NBPF26: variants seen among roughly 807,000 people sequenced by gnomAD.
NBPF26 encodes NBPF family member NBPF26.
A neutral mutation model predicts 119.6 loss-of-function variants in NBPF26; 79 were observed. The ratio of observed to expected loss-of-function variants is 0.66; its 90% confidence interval spans 0.55 to 0.80. The LOEUF is 0.80. NBPF26 is among the 30% of genes least tolerant of loss of function. The pLI, the probability that NBPF26 is intolerant of heterozygous loss-of-function variation, is 0.00. For missense variants in NBPF26, 800 were observed against 1,198.2 expected (o/e 0.67, Z 4.91); for synonymous variants, 299 against 457.7 (o/e 0.65, Z 4.43).
Position 120,805,139 on chromosome 1 carries a change from C to A in NBPF26, c.752-417C>A, listed in dbSNP as rs1166112898. ...CTGTGGCATTGTCAACAAGGGTACA[C>A]GAATACTGAGAGTGAATGCTGAAGG... On this transcript the variant is annotated intron_variant, in intron 4 of 29. Transcript: ENST00000620612. Among the ~76,000 whole-genome samples, 2 of 124,870 alleles carry A rather than the reference C, an allele frequency of 1.6e-5. 1 individual carries two copies. The highest frequency in any genetic ancestry group is 4.8e-4 in the South Asian group (2 of 4,176). 81.9% of individuals were successfully genotyped at this position (124,870 alleles called of 152,430 possible).
At chr1:120,745,251 G>C (rs1650969025) in intron 1 of NBPF26, among the ~76,000 whole-genome samples, 2 of 107,270 alleles carry the variant, frequency 1.9e-5, no homozygotes, top group South Asian at 5.3e-4. Context: ...AATGGGTCAT[G>C]AAACCAATTT....
rs1283264153 is a variant in NBPF26 at position 120,810,348 on chromosome 1, G to T, written c.1354G>T (p.Glu452Ter). The T allele has an allele frequency of 6.3e-7, 1 of 1,590,026 alleles. No homozygotes were observed. The highest frequency in any genetic ancestry group is 8.5e-7 in the Non-Finnish European group (1 of 1,172,332). ...TCTCTGTCCCACCTGGCTCATCAGG[G>T]AGGTGCAGAAGACTGAAGAGAGCAA... The change falls in exon 9 of 30, where the codon GAG (glutamate) becomes TAG (stop). Residue 452 changes from glutamate (E) to a stop codon, truncating the protein, a stop_gained and splice_region_variant. Transcript: ENST00000620612. LOFTEE classifies it high-confidence loss of function.
chr1:120,838,406 T>C (rs1652444735), intron 27 of NBPF26, among the ~76,000 whole-genome samples: 1 of 12,956 alleles, frequency 7.7e-5, no homozygotes, highest in Non-Finnish European at 1.1e-4. Flanking sequence ...ATGATCCCTG[T>C]ATGCTGTGTG....
chr1:120,802,756 A>C (rs1354793873), intron 4 of NBPF26, among the ~76,000 whole-genome samples: 1 of 118,620 alleles, frequency 8.4e-6, no homozygotes, highest in Non-Finnish European at 1.6e-5. Flanking sequence ...GAAATTTAAC[A>C]GGTTCTTTCA....
intron 1 of NBPF26, among the ~76,000 whole-genome samples, chr1:120,750,669 TC>T (rs1651012563): frequency 9.3e-6 from 1 of 107,218 alleles, no homozygotes; most frequent in South Asian, 2.7e-4. Flanking sequence ...GAGAGTAAAG[TC>T]TTGTATTTTC....
intron 9 of NBPF26, 65 bp from the exon 10 acceptor site, chr1:120,811,821 C>G (rs2101509687): frequency 2.8e-6 from 2 of 706,928 alleles, no homozygotes; most frequent in East Asian, 5.0e-5. Context: ...TCCCTCAGTC[C>G]TGATTAAGCC....
intron 17 of NBPF26, among the ~76,000 whole-genome samples, 156 bp downstream of exon 17, chr1:120,823,516 T>G (rs1345702052): frequency 9.2e-6 from 1 of 109,058 alleles, no homozygotes; most frequent in Non-Finnish European, 1.8e-5. Flanking sequence ...TTAGAGTAAA[T>G]CTTTAGGTTT....
rs1244043995 is a variant in NBPF26, at chr1:120,806,953, A to G, written c.962-654A>G. On this transcript the variant is annotated intron_variant, in intron 5 of 29. Transcript: ENST00000620612. ...TAAACACTATCTATTCTTCATTCTGATGTTTCTAAATTAACACTAACTAAG... is the reference window on the plus strand; with the variant it reads ...TAAACACTATCTATTCTTCATTCTGGTGTTTCTAAATTAACACTAACTAAG... Among the ~76,000 whole-genome samples, 5 of 121,914 alleles carry G rather than the reference A, an allele frequency of 4.1e-5. 1 individual carries two copies. Among genetic ancestry groups the G allele is most frequent in the African/African-American group, 2.2e-4 (5 of 23,076 alleles). The allele number at this position is 121,914 out of a possible 152,430, so 80.0% of individuals were successfully genotyped here.
chr1:120,790,924 G>C (rs1306620077), intron 3 of NBPF26, among the ~76,000 whole-genome samples: 1 of 89,044 alleles, frequency 1.1e-5, no homozygotes, highest in Non-Finnish European at 2.0e-5. Flanking sequence ...TTTCAGTTGT[G>C]GGCATCACTC....
intron 5 of NBPF26, among the ~76,000 whole-genome samples, chr1:120,807,068 C>T: frequency 7.6e-6 from 1 of 130,896 alleles, no homozygotes; most frequent in Non-Finnish European, 1.6e-5. Flanking sequence ...TCCTTCATGG[C>T]CTTATTGTCT....
intron 22 of NBPF26, among the ~76,000 whole-genome samples, 184 bp from the exon 27 acceptor site, chr1:120,832,691 T>G (rs1652370003): frequency 8.3e-6 from 1 of 120,766 alleles, no homozygotes; most frequent in South Asian, 2.4e-4. Context: ...ACCCACAGTT[T>G]CTGGGAGAAA....
At position 120,817,292 on chromosome 1, in the gene NBPF26, G is replaced by A. The variant is rs1308616816; in HGVS notation, c.2371+465G>A. 6.3e-5 allele frequency among the ~76,000 whole-genome samples: 7 copies of A among 111,222 alleles called. 2 individuals carry two copies. The highest frequency in any genetic ancestry group is 1.2e-4 in the Non-Finnish European group (7 of 59,204). 73.0% of individuals were successfully genotyped at this position (111,222 alleles called of 152,430 possible). On this transcript the variant is annotated intron_variant, in intron 14 of 29. Transcript: ENST00000620612. ...GCTTGCTTAGCTGCACAGTCACCCT[G>A]AAATCAGGACAGAAACTTTTCTTCT...
In NBPF26 at chr1:120,840,379, A is replaced by G. The variant is rs1652487487; in HGVS notation, c.4133A>G (p.Glu1378Gly). ...AACAGCATGCTGATGGAAGTGGAAG[A>G]GCCTGAAGTCTTGCAGGACTCACTG... Residue 1378 changes from glutamate (E) to glycine (G), a missense_variant, in exon 30 of 30, where the codon GAG (glutamate) becomes GGG (glycine). Physicochemically the swap from Glu to Gly is moderately conservative, Grantham distance 98. This residue lies in a region of NBPF26 where 155 missense variants were observed against 95.9 expected (regional missense o/e 1.62). Coordinates refer to ENST00000620612, the Ensembl canonical transcript of NBPF26. 4 of 1,460,890 alleles carry G rather than the reference A, an allele frequency of 2.7e-6. 1 individual carries two copies. The highest frequency in any genetic ancestry group is 3.7e-6 in the Non-Finnish European group (4 of 1,085,366). 90.5% of individuals were successfully genotyped at this position (1,460,890 alleles called of 1,614,324 possible).
At chr1:120,809,908 G>T (rs1268048698) in intron 8 of NBPF26, 25 bp downstream of exon 8, 10 of 1,531,286 alleles carry the variant, frequency 6.5e-6, no homozygotes, top group Middle Eastern at 4.2e-4. Context: ...TCAGGAGCAA[G>T]TAATGGGTGG....
In NBPF26 at chr1:120,765,972, G is replaced by T. The variant is rs1301360758; in HGVS notation, c.155+2263G>T. ...AGGGAGGGGAACATCACACACTGGG[G>T]CCTGTCAGGGGGTGGGGGGAAAGGG... On this transcript the variant is annotated intron_variant, in intron 2 of 29. Coordinates refer to ENST00000620612, the Ensembl canonical transcript of NBPF26. 5.3e-5 allele frequency among the ~76,000 whole-genome samples: 2 copies of T among 37,604 alleles called. 1 individual carries two copies. The highest frequency in any genetic ancestry group is 8.9e-5 in the Non-Finnish European group (2 of 22,528). The allele number at this position is 37,604 out of a possible 152,430, so 24.7% of individuals were successfully genotyped here.
At position 120,724,733 on chromosome 1, in the gene NBPF26, G is replaced by C. The variant is rs1650799301; in HGVS notation, c.73+483G>C. Among the ~76,000 whole-genome samples, 11 of 122,228 alleles carry C rather than the reference G, an allele frequency of 9.0e-5. 1 individual carries two copies. 80.2% of individuals were successfully genotyped at this position (122,228 alleles called of 152,430 possible). ...GCCAGCCTCGCCTTTGCCAGGGGGC[G>C]GCACATGGGCCGGGTGTGTGGGCTT... is the stretch of plus-strand genomic sequence containing the variant. On this transcript the variant is annotated intron_variant, in intron 1 of 29. Transcript: ENST00000620612.
rs1292335133 is a variant in NBPF26, at chr1:120,801,761, C to A, written c.752-3795C>A. ...GGAGGATCGCTTGAGCCTAGGAGTT[C>A]AAGGTTGCAGTGATCTATAATCACC... On this transcript the variant is annotated intron_variant, in intron 4 of 29. Coordinates refer to ENST00000620612, the Ensembl canonical transcript of NBPF26. Among the ~76,000 whole-genome samples, 6 of 83,056 alleles carry A rather than the reference C, an allele frequency of 7.2e-5. 1 individual carries two copies. The highest frequency in any genetic ancestry group is 1.2e-4 in the Non-Finnish European group (6 of 49,602). 54.5% of individuals were successfully genotyped at this position (83,056 alleles called of 152,430 possible). A position where few individuals can be genotyped will look rare whatever the true frequency, so the allele number is the denominator to read the frequency against.
At chr1:120,793,212 G>A in exon 4 of NBPF26, 1 of 1,442,048 alleles carries the variant, frequency 6.9e-7, no homozygotes. Context: ...TGTGCAAATG[G>A]AAGTACCTGT....
At chr1:120,811,084 C>G (rs1209861837) in intron 9 of NBPF26, among the ~76,000 whole-genome samples, 1 of 83,304 alleles carries the variant, frequency 1.2e-5, no homozygotes, top group African/African-American at 8.1e-5. Flanking sequence ...ACTAAAAATA[C>G]AAAAAAAAAA....
Sources: gnomAD v4.1 joint callset for allele counts (sites outside exome capture counted in the v4.1 genomes callset) on GRCh38, gnomAD v4.1.1 for gene constraint, gnomAD v4.1.1 regional missense constraint, MANE v1.5 for transcripts, NCBI Gene and HGNC (gene_info 2026-07-23, HGNC 2026-07-21) for gene names.